FAM72A: variants seen among roughly 807,000 people sequenced by gnomAD.
The protein encoded by FAM72A is protein FAM72A.
In FAM72A, 1 loss-of-function variant was observed where a neutral mutation model predicts 11.3. That is an observed-to-expected ratio of 0.09 (90% confidence interval 0.03 to 0.42). FAM72A has a LOEUF of 0.42. Among genes scored for constraint, FAM72A ranks in the 10% least tolerant of loss-of-function variants. FAM72A has a pLI of 0.98. For missense variants in FAM72A, 15 were observed against 135.5 expected (o/e 0.11, Z 4.41); for synonymous variants, 5 against 46.9 (o/e 0.11, Z 3.65).
intron 3 of FAM72A, among the ~76,000 whole-genome samples, chr1:206,187,687 C>T (rs1434000836): frequency 1.3e-5 from 2 of 152,220 alleles, no homozygotes; most frequent in African/African-American, 4.8e-5. Context: ...ACCTCAGCCT[C>T]CCAAGTCACT....
chr1:206,199,547 T>TC (rs1476245848), intron 2 of FAM72A, among the ~76,000 whole-genome samples: 1 of 50,390 alleles, frequency 2.0e-5, no homozygotes, highest in South Asian at 7.0e-4. Flanking sequence ...CAGGTGTTTC[T>TC]CCCCCCTAAC....
chr1:206,198,907 T>TA (rs544163968), intron 2 of FAM72A, among the ~76,000 whole-genome samples: 1,308 of 63,638 alleles, frequency 0.021, 18 homozygotes, highest in African/African-American at 0.045. Context: ...CTGTCTCTAC[T>TA]AAAAAAAAAA....
In FAM72A at chr1:206,187,100, A is replaced by G. The variant is rs1440038400; in HGVS notation, c.*179T>C. On this transcript the variant is annotated 3_prime_UTR_variant, in exon 4 of 4. Transcript: ENST00000367128. ...GAAGTAGAAGTAGAGGAAAAGCACA[A>G]CTTCACTGGCTTCAATCAAACTGAG... is the stretch of plus-strand genomic sequence containing the variant. The G allele has an allele frequency of 6.2e-6, 6 of 969,906 alleles. No homozygotes were observed. The highest frequency in any genetic ancestry group is 2.1e-5 in the South Asian group (1 of 47,112). The allele number at this position is 969,906 out of a possible 1,614,324, so 60.1% of individuals were successfully genotyped here.
chr1:206,203,586 G>A, upstream of FAM72A: 1 of 580,478 alleles, frequency 1.7e-6, no homozygotes, highest in Non-Finnish European at 3.1e-6. Flanking sequence ...GCGGGGAAGA[G>A]AGGGGAGGAG....
chr1:206,191,728 T>TA (rs1288190893), intron 3 of FAM72A, among the ~76,000 whole-genome samples: 1 of 140,970 alleles, frequency 7.1e-6, no homozygotes, highest in Non-Finnish European at 1.5e-5. Context: ...AATATTATTT[T>TA]TTTTTTTTTT....
intron 3 of FAM72A, among the ~76,000 whole-genome samples, chr1:206,189,548 G>A (rs1461503615): frequency 2.3e-5 from 3 of 131,172 alleles, no homozygotes; most frequent in East Asian, 2.1e-4. Flanking sequence ...GGAATTGCGA[G>A]GCAAAAATCA....
intron 3 of FAM72A, among the ~76,000 whole-genome samples, chr1:206,193,726 C>A (rs1664917974): frequency 6.6e-6 from 1 of 151,424 alleles, no homozygotes; most frequent in South Asian, 2.1e-4. Flanking sequence ...TGTGCGCTGT[C>A]AATGAAACAA....
intron 3 of FAM72A, among the ~76,000 whole-genome samples, chr1:206,191,721 ATTAT>A (rs1381813422): frequency 1.0e-4 from 10 of 98,792 alleles, no homozygotes; most frequent in Admixed American, 3.0e-4. Flanking sequence ...TTACTAAAAT[ATTAT>A]TTTTTTTTTT....
At chr1:206,196,816 G>A (rs1342501426) in intron 2 of FAM72A, among the ~76,000 whole-genome samples, 131 of 150,940 alleles carry the variant, frequency 8.7e-4, no homozygotes, top group African/African-American at 2.9e-3. Context: ...TAACTAGCTA[G>A]TCACATATTA....
chr1:206,190,932 A>T (rs1158243159), intron 3 of FAM72A, among the ~76,000 whole-genome samples: 1 of 151,574 alleles, frequency 6.6e-6, no homozygotes. Flanking sequence ...GATGTTAGAC[A>T]CGGAGAACAT....
At chr1:206,198,395 G>A (rs1222440823) in intron 2 of FAM72A, among the ~76,000 whole-genome samples, 5 of 148,890 alleles carry the variant, frequency 3.4e-5, no homozygotes, top group African/African-American at 9.8e-5. Context: ...AGAAAATAAT[G>A]TCCAAAGGCC....
At chr1:206,203,747 G>C (rs1419442663), upstream of FAM72A, 5 of 1,448,936 alleles carry the variant, frequency 3.5e-6, no homozygotes, top group African/African-American at 1.4e-5. Context: ...AGAGGGCGCG[G>C]ATGCTGCTCG....
At chr1:206,196,745 T>A (rs1316846644) in intron 2 of FAM72A, among the ~76,000 whole-genome samples, 1 of 150,020 alleles carries the variant, frequency 6.7e-6, no homozygotes, top group Non-Finnish European at 1.5e-5. Context: ...GTTTTTACAG[T>A]TTTCAGAATT....
At chr1:206,204,910 C>CCCG (rs1553300692), upstream of FAM72A, 1 of 134,880 alleles carries the variant, frequency 7.4e-6, no homozygotes, top group Non-Finnish European at 1.5e-5. Context: ...CAGATTTGCC[C>CCCG]CCCCCCCCAT....
intron 2 of FAM72A, among the ~76,000 whole-genome samples, chr1:206,198,186 A>C (rs1665169817): frequency 6.8e-6 from 1 of 147,990 alleles, no homozygotes; most frequent in African/African-American, 2.5e-5. Context: ...CAACACGGTG[A>C]AACCCTGTCT....
chr1:206,196,790 A>G (rs1236891641), intron 2 of FAM72A, among the ~76,000 whole-genome samples: 3 of 151,306 alleles, frequency 2.0e-5, no homozygotes, highest in Admixed American at 6.6e-5. Context: ...GTCTTTCACA[A>G]TTTTTTTTTT....
At chr1:206,193,597 G>C (rs1664911211) in intron 3 of FAM72A, among the ~76,000 whole-genome samples, 1 of 152,168 alleles carries the variant, frequency 6.6e-6, no homozygotes, top group Non-Finnish European at 1.5e-5. Context: ...AGCTTCAAAG[G>C]ATAGGCTGAA....
At chr1:206,203,496 C>A (rs1370823370), upstream of FAM72A, 1 of 478,138 alleles carries the variant, frequency 2.1e-6, no homozygotes, top group East Asian at 3.2e-5. Context: ...AAGGGGTGGG[C>A]TCTACTTCCC....
At chr1:206,187,517 A>T (rs1341881076) in intron 3 of FAM72A, 144 bp from the exon 4 acceptor site, 1 of 620,574 alleles carries the variant, frequency 1.6e-6, no homozygotes, top group Non-Finnish European at 2.9e-6. Flanking sequence ...ATGTACTGCA[A>T]ATAAAATTAC....
Sources: allele counts gnomAD v4.1 joint callset (sites outside exome capture counted in the v4.1 genomes callset), GRCh38; gene constraint gnomAD v4.1.1; transcripts MANE v1.5; gene names NCBI Gene and HGNC (gene_info 2026-07-23, HGNC 2026-07-21).